ROS1: variants seen among roughly 807,000 people sequenced by gnomAD.
ROS1 encodes ROS proto-oncogene 1, receptor tyrosine kinase.
A neutral mutation model predicts 273.5 loss-of-function variants in ROS1; 263 were observed. The observed-to-expected ratio is 0.96, with a 90% CI of 0.87 to 1.06. The LOEUF is 1.06. Ranked by LOEUF, ROS1 falls within the 50% of genes least tolerant of loss-of-function variation. The probability of loss-of-function intolerance (pLI) is 0.00; values close to 1 mark genes in which losing one functional copy is unlikely to be tolerated. For missense variants in ROS1, 2,833 were observed against 2,751.1 expected (o/e 1.03, Z -0.67); for synonymous variants, 1,008 against 954.1 (o/e 1.06, Z -1.04).
chr6:117,302,335 G>T (rs1296188833), intron 42 of ROS1, among the ~76,000 whole-genome samples: 1 of 152,030 alleles, frequency 6.6e-6, no homozygotes, highest in Non-Finnish European at 1.5e-5. Flanking sequence ...GTAGTGTCAG[G>T]ATATATGTTG....
intron 7 of ROS1, among the ~76,000 whole-genome samples, chr6:117,398,927 C>A (rs999858662): frequency 1.3e-5 from 2 of 149,982 alleles, no homozygotes; most frequent in African/African-American, 4.9e-5. Flanking sequence ...GAGCTGAGAT[C>A]GTGCTACTGT....
chr6:117,363,829 A>G (rs1321807), intron 21 of ROS1, among the ~76,000 whole-genome samples: 86,139 of 151,778 alleles, frequency 0.57, 25,061 homozygotes, highest in African/African-American at 0.69. Context: ...GCATGTGTTT[A>G]TCTCCCTCCT....
At position 117,389,585 on chromosome 6, in the gene ROS1, G is replaced by T. The variant is rs763818587; in HGVS notation, c.1551C>A (p.Asp517Glu). The T allele has an allele frequency of 6.2e-7, 1 of 1,614,214 alleles. No homozygotes were observed. Among genetic ancestry groups the T allele is most frequent in the Non-Finnish European group, 8.5e-7 (1 of 1,180,028 alleles). ...DVKSFACENNDFLVTDGKVIF... is the reference protein window; with the variant it reads ...DVKSFACENNEFLVTDGKVIF... ...TGACCTTGCCATCTGTGACAAGAAA[G>T]TCATTGTTTTCACAAGCAAAACTTT... Residue 517 changes from aspartate (D) to glutamate (E), a missense_variant, in exon 13 of 44, where the codon GAC becomes GAA. Asp to Glu is a conservative substitution (Grantham distance 45, BLOSUM62 2). Coordinates refer to ENST00000368507, the MANE Select transcript of ROS1 (RefSeq NM_001378902.1).
At chr6:117,388,062 T>C in intron 13 of ROS1, 70 bp from the exon 14 acceptor site, 4 of 1,601,770 alleles carry the variant, frequency 2.5e-6, no homozygotes, top group Non-Finnish European at 3.4e-6. Flanking sequence ...GGATTCTCCA[T>C]AAATTCACCT....
At chr6:117,296,412 G>A (rs1242961730) in intron 43 of ROS1, among the ~76,000 whole-genome samples, 1 of 148,216 alleles carries the variant, frequency 6.7e-6, no homozygotes, top group Non-Finnish European at 1.5e-5. Context: ...AAAAAAAATA[G>A]ACAAATGGAT....
Position 117,390,560 on chromosome 6 carries a change from C to A in ROS1, c.1290-714G>T, listed in dbSNP as rs1454052727. On this transcript the variant is annotated intron_variant, in intron 12 of 43. Coordinates refer to ENST00000368507, the MANE Select transcript of ROS1 (RefSeq NM_001378902.1). ...GTCTAATTTTATCAGTAAATTTTCTCATGCATTCTGAGTGATAAATGGAAG... is the reference window on the plus strand; with the variant it reads ...GTCTAATTTTATCAGTAAATTTTCTAATGCATTCTGAGTGATAAATGGAAG... Among the ~76,000 whole-genome samples, 3 of 152,196 alleles carry A rather than the reference C, an allele frequency of 2.0e-5. No individual in the cohort carries two copies. In the South Asian group the frequency reaches 6.2e-4, roughly 32 times the overall value.
At chr6:117,409,429 G>A (rs2273602) in intron 5 of ROS1, among the ~76,000 whole-genome samples, 153 bp downstream of exon 5, 81,508 of 151,936 alleles carry the variant, frequency 0.54, 22,552 homozygotes, top group South Asian at 0.68. Context: ...TGGCCTATAC[G>A]TTTGAAATTA....
chr6:117,387,435 A>G (rs528541742), intron 14 of ROS1, among the ~76,000 whole-genome samples: 1 of 152,302 alleles, frequency 6.6e-6, no homozygotes, highest in African/African-American at 2.4e-5. Context: ...CAGCCTCTCA[A>G]CTTCTCTCAG....
At position 117,394,261 on chromosome 6, in the gene ROS1, A is replaced by G. The variant is rs1410312840; in HGVS notation, c.1092T>C (p.Asp364=). ...TGTAAAAAATTCTCAGGTCAGATAC[A>G]TCAGACATGTTGGCAGCCTTCTTCG... is the stretch of plus-strand genomic sequence containing the variant. ...IWAKKAANMS[D]VSDLRIFYRG... The change falls in exon 11 of 44, where the codon GAT becomes GAC. Residue 364 remains aspartate (D), a synonymous_variant. Coordinates refer to ENST00000368507, the MANE Select transcript of ROS1 (RefSeq NM_001378902.1). The G allele has an allele frequency of 2.5e-6, 4 of 1,611,248 alleles. No homozygotes were observed. Among genetic ancestry groups the G allele is most frequent in the African/African-American group, 1.3e-5 (1 of 74,932 alleles).
chr6:117,365,036 A>G (rs1369265312), intron 21 of ROS1, 24 bp downstream of exon 21: 5 of 1,602,978 alleles, frequency 3.1e-6, no homozygotes, highest in Admixed American at 3.6e-5. Context: ...TTTTAAGAAA[A>G]AAGACAGATT....
In ROS1 at chr6:117,414,519, C is replaced by A; in HGVS notation, c.255G>T (p.Glu85Asp). Residue 85 changes from glutamate to aspartate, a missense_variant and splice_region_variant, in exon 4 of 44, where the codon GAG (glutamate) becomes GAT (aspartate). Physicochemically the swap from Glu to Asp is conservative, Grantham distance 45. Transcript: ENST00000368507. ...ATCTTTTTTGTGATTGCCAACTCACCTCACAAACGGTGGCATAAGTATCAT... is the reference window on the plus strand; with the variant it reads ...ATCTTTTTTGTGATTGCCAACTCACATCACAAACGGTGGCATAAGTATCAT... ...KCNDTYATVC[E>D]RESCEVGCSS... 1 of 738,530 alleles carries A rather than the reference C, an allele frequency of 1.4e-6. No individual in the cohort carries two copies. Among genetic ancestry groups the A allele is most frequent in the Non-Finnish European group, 2.5e-6 (1 of 407,326 alleles). The allele number at this position is 738,530 out of a possible 1,614,324, so 45.7% of individuals were successfully genotyped here.
At chr6:117,394,453 G>C in intron 10 of ROS1, 107 bp from the exon 11 acceptor site, 1 of 824,006 alleles carries the variant, frequency 1.2e-6, no homozygotes, top group Non-Finnish European at 1.7e-6. Flanking sequence ...TAAAATAGAA[G>C]TATTTTATTT....
At chr6:117,295,624 A>T (rs183390285) in intron 43 of ROS1, among the ~76,000 whole-genome samples, 1 of 152,356 alleles carries the variant, frequency 6.6e-6, no homozygotes, top group African/African-American at 2.4e-5. Context: ...ATACATAGGG[A>T]GCTCAAATAA....
In ROS1 at chr6:117,341,490, A is replaced by C; in HGVS notation, c.4794T>G (p.Pro1598=). 1 of 1,613,884 alleles carries C rather than the reference A, an allele frequency of 6.2e-7. No homozygotes were observed. Among genetic ancestry groups the C allele is most frequent in the Non-Finnish European group, 8.5e-7 (1 of 1,179,800 alleles). ...ATTCACTTTGTCTTAGAGGAGTTTC[A>C]GGAATTAGGGCCAGGTGTGAGATTG... is the stretch of plus-strand genomic sequence containing the variant. ...QLAISHLALI[P]ETPLRQSEFP... The change falls in exon 30 of 44, where the codon CCT becomes CCG. Residue 1598 remains proline, a synonymous_variant. Transcript: ENST00000368507.
At chr6:117,368,473 G>A (rs879279891) in intron 18 of ROS1, among the ~76,000 whole-genome samples, 4 of 152,142 alleles carry the variant, frequency 2.6e-5, no homozygotes, top group Admixed American at 6.6e-5. Context: ...CAATTCTCAA[G>A]TTCGGAATAT....
intron 4 of ROS1, among the ~76,000 whole-genome samples, chr6:117,412,845 C>T (rs948315638): frequency 2.0e-5 from 3 of 152,184 alleles, no homozygotes; most frequent in East Asian, 1.9e-4. Flanking sequence ...TGCTTCGATG[C>T]TTTAAAGGCT....
At chr6:117,369,550 C>T (rs1191032118) in intron 18 of ROS1, among the ~76,000 whole-genome samples, 1 of 151,440 alleles carries the variant, frequency 6.6e-6, no homozygotes, top group East Asian at 1.9e-4. Context: ...CCAGCCTGGG[C>T]GACAGAGCGA....
rs139756894 is a variant in ROS1 at position 117,326,334 on chromosome 6, G to A, written c.5429C>T (p.Thr1810Ile). The change falls in exon 34 of 44, where the codon ACA becomes ATA. Residue 1810 changes from threonine to isoleucine, a missense_variant. Physicochemically the swap from Thr to Ile is moderately conservative, Grantham distance 89. Coordinates refer to ENST00000368507, the MANE Select transcript of ROS1 (RefSeq NM_001378902.1). Reference protein sequence around the residue: ...TFNGSCSSVCTWKSKNLKGIF... With the variant: ...TFNGSCSSVCIWKSKNLKGIF... ...TCCTTTCAGGTTTTTGGACTTCCAT[G>A]TGCAAACACTACTGCAGGATCCATT... The A allele has an allele frequency of 1.2e-6, 2 of 1,601,250 alleles. No individual in the cohort carries two copies. Among genetic ancestry groups the A allele is most frequent in the Middle Eastern group, 1.7e-4 (1 of 6,042 alleles).
In ROS1 at chr6:117,397,193, CTT is replaced by C. The variant is rs530282437; in HGVS notation, c.605-79_605-78del. ...TTTTTAAAATAAGATGGAAAAAAGTCTTGTTTTTTTTTTTGAAAACTTAATGG... is the reference window on the plus strand; with the variant it reads ...TTTTTAAAATAAGATGGAAAAAAGTCGTTTTTTTTTTTGAAAACTTAATGG... On this transcript the variant is annotated intron_variant, in intron 7 of 43. Coordinates refer to ENST00000368507, the MANE Select transcript of ROS1 (RefSeq NM_001378902.1). 4.2e-4 allele frequency: 407 copies of C among 960,506 alleles called. No individual in the cohort carries two copies. In the African/African-American group the frequency reaches 6.5e-3, roughly 15 times the overall value. The allele number at this position is 960,506 out of a possible 1,614,324, so 59.5% of individuals were successfully genotyped here. A position where few individuals can be genotyped will look rare whatever the true frequency, so the allele number is the denominator to read the frequency against.
Sources: gnomAD v4.1 joint callset for allele counts (sites outside exome capture counted in the v4.1 genomes callset) on GRCh38, gnomAD v4.1.1 for gene constraint, MANE v1.5 for transcripts, NCBI Gene and HGNC (gene_info 2026-07-23, HGNC 2026-07-21) for gene names.